Variants in FRMD5 observed in about 807,000 individuals in gnomAD.
FRMD5 encodes the protein FERM domain-containing protein 5.
A neutral mutation model predicts 69.0 loss-of-function variants in FRMD5; 20 were observed. That is an observed-to-expected ratio of 0.29 (90% CI 0.20 to 0.42). The LOEUF (loss-of-function observed/expected upper bound fraction) is 0.42, where lower values mean the gene tolerates loss of function less well. Ranked by LOEUF, FRMD5 falls within the 10% of genes least tolerant of loss-of-function variation. The probability of loss-of-function intolerance (pLI) is 1.00; values close to 1 mark genes in which losing one functional copy is unlikely to be tolerated. For synonymous variants in FRMD5, 271 were observed against 260.1 expected, an observed-to-expected ratio of 1.04 and a Z score of -0.40; for missense variants, 595 against 708.6, an observed-to-expected ratio of 0.84 and a Z score of 1.82.
chr15:44,007,976 C>T lies in FRMD5; in HGVS notation c.103-83667G>A, dbSNP rs139154580. On this transcript the variant is annotated intron_variant, in intron 1 of 13. Coordinates refer to ENST00000417257, the MANE Select transcript of FRMD5 (RefSeq NM_032892.5). The stretch of plus-strand genomic sequence containing the variant: ...TTTTTTAAAGAGATGGGGTCTTGCT[C>T]TGTTGTTGTGGCTAGAGTGCAGTGG... Among the ~76,000 whole-genome samples, 772 of 151,942 alleles carry T rather than the reference C, an allele frequency of 5.1e-3. 3 individuals are homozygous for T. The highest frequency in any genetic ancestry group is 8.6e-3 in the Non-Finnish European group (582 of 67,988).
chr15:43,930,356 C>G (rs2089653611), intron 1 of FRMD5, among the ~76,000 whole-genome samples: 1 of 152,228 alleles, frequency 6.6e-6, no homozygotes, highest in African/African-American at 2.4e-5. Context: ...CAGGTCACCA[C>G]AAATGTGGCA....
chr15:43,949,841 G>T (rs7178452), intron 1 of FRMD5, among the ~76,000 whole-genome samples: 15,158 of 152,044 alleles, frequency 0.1, 1,145 homozygotes, highest in African/African-American at 0.2. Context: ...GATCTCTCAA[G>T]TCGTGCTGCA....
At chr15:44,035,492 T>C (rs1466835672) in intron 1 of FRMD5, among the ~76,000 whole-genome samples, 1 of 152,214 alleles carries the variant, frequency 6.6e-6, no homozygotes, top group Non-Finnish European at 1.5e-5. Context: ...ACTGCTATTT[T>C]GGCATTTGCT....
rs577183079 is a variant in FRMD5 at position 43,935,841 on chromosome 15, T to C, written c.103-11532A>G. 9.2e-5 allele frequency among the ~76,000 whole-genome samples: 14 copies of C among 152,308 alleles called. No individual in the cohort carries two copies. The South Asian group carries it at 2.9e-3, about 32-fold the overall frequency. ...AACATCTGCTGCCAACTGAATATTG[T>C]GTTATTTGAAGGCCAAAAAGTGGAT... On this transcript the variant is annotated intron_variant, in intron 1 of 13. Coordinates refer to ENST00000417257, the MANE Select transcript of FRMD5 (RefSeq NM_032892.5).
At chr15:43,985,510 A>G (rs146399075) in intron 1 of FRMD5, among the ~76,000 whole-genome samples, 9 of 152,230 alleles carry the variant, frequency 5.9e-5, no homozygotes, top group African/African-American at 2.2e-4. Context: ...CATGGTTTAT[A>G]TTATAAATCA....
At chr15:44,044,550 A>G (rs1020144442) in intron 1 of FRMD5, among the ~76,000 whole-genome samples, 5 of 152,176 alleles carry the variant, frequency 3.3e-5, no homozygotes, top group African/African-American at 1.2e-4. Context: ...TAAACAATAT[A>G]TGGCATATAT....
chr15:43,908,056 A>G (rs186611962), intron 5 of FRMD5, among the ~76,000 whole-genome samples: 4 of 152,368 alleles, frequency 2.6e-5, no homozygotes, highest in Admixed American at 2.6e-4. Flanking sequence ...AGAAAAGACT[A>G]GAGTTTAAGA....
At chr15:43,946,116 T>C (rs1348523656) in intron 1 of FRMD5, among the ~76,000 whole-genome samples, 2 of 152,070 alleles carry the variant, frequency 1.3e-5, no homozygotes, top group African/African-American at 2.4e-5. Context: ...TCTCTCCTCC[T>C]CTTGGCTTCC....
intron 1 of FRMD5, among the ~76,000 whole-genome samples, chr15:44,086,487 G>A (rs1412196652): frequency 2.0e-5 from 3 of 152,214 alleles, no homozygotes; most frequent in South Asian, 2.1e-4. Context: ...TTCTATTTAT[G>A]TAAAGTATCC....
chr15:44,190,481 T>C (rs947474569), intron 1 of FRMD5, among the ~76,000 whole-genome samples: 2 of 147,516 alleles, frequency 1.4e-5, no homozygotes, highest in African/African-American at 5.4e-5. Context: ...CCTCTAAACT[T>C]GCAGAGATGG....
chr15:43,993,465 T>C (rs757501161), intron 1 of FRMD5, among the ~76,000 whole-genome samples: 2 of 152,222 alleles, frequency 1.3e-5, no homozygotes, highest in Non-Finnish European at 2.9e-5. Flanking sequence ...AGTGCTGGAA[T>C]TACAGGCGTG....
At chr15:44,039,251 C>A (rs1285311839) in intron 1 of FRMD5, among the ~76,000 whole-genome samples, 5 of 152,232 alleles carry the variant, frequency 3.3e-5, no homozygotes, top group African/African-American at 1.2e-4. Flanking sequence ...GCAGCTTCAG[C>A]AGACTTAAAT....
chr15:44,188,734 G>C (rs543827646), intron 1 of FRMD5, among the ~76,000 whole-genome samples: 1 of 152,128 alleles, frequency 6.6e-6, no homozygotes, highest in South Asian at 2.1e-4. Flanking sequence ...TTGTGACATA[G>C]TAAAATGACT....
rs540224640 is a variant in FRMD5 at position 44,013,238 on chromosome 15, A to G, written c.103-88929T>C. ...ATCCTATCTTTACAAAAACATTTTG[A>G]AAAAATTAGCTGGGCGTGGTGGCAT... On this transcript the variant is annotated intron_variant, in intron 1 of 13. Transcript: ENST00000417257. Among the ~76,000 whole-genome samples the G allele has an allele frequency of 3.9e-5, 6 of 152,302 alleles. No homozygotes were observed. The South Asian group carries it at 1.2e-3, about 32-fold the overall frequency.
intron 1 of FRMD5, among the ~76,000 whole-genome samples, chr15:43,981,496 G>C (rs1206612044): frequency 6.6e-6 from 1 of 152,182 alleles, no homozygotes; most frequent in East Asian, 1.9e-4. Flanking sequence ...AGAGGAGGTG[G>C]AAGGAGAGGC....
chr15:43,910,527 T>C (rs1260228604), intron 4 of FRMD5, among the ~76,000 whole-genome samples: 1 of 145,492 alleles, frequency 6.9e-6, no homozygotes, highest in African/African-American at 2.7e-5. Flanking sequence ...TGAGCCGAGA[T>C]TGTGCTACTG....
At chr15:44,030,580 C>A (rs1891635864) in intron 1 of FRMD5, among the ~76,000 whole-genome samples, 2 of 152,122 alleles carry the variant, frequency 1.3e-5, no homozygotes, top group Admixed American at 1.3e-4. Context: ...AAACAAAACC[C>A]TATGCTAGGA....
chr15:44,195,216 C>T lies in FRMD5; in HGVS notation c.-162G>A, dbSNP rs969785346. The T allele has an allele frequency of 1.8e-5, 10 of 557,296 alleles. No homozygotes were observed. The highest frequency in any genetic ancestry group is 1.6e-4 in the African/African-American group (8 of 49,402). The allele number at this position is 557,296 out of a possible 1,614,324, so 34.5% of individuals were successfully genotyped here. A position where few individuals can be genotyped will look rare whatever the true frequency, so the allele number is the denominator to read the frequency against. On this transcript the variant is annotated 5_prime_UTR_variant, in exon 1 of 14. Transcript: ENST00000417257. Reference sequence around the variant, plus strand: ...TGGCCTCGTTCCTCCTCCTTATCCTCCTCCTTCCCTCAGCCGCCACCGCCT... The same window carrying T: ...TGGCCTCGTTCCTCCTCCTTATCCTTCTCCTTCCCTCAGCCGCCACCGCCT...
intron 1 of FRMD5, among the ~76,000 whole-genome samples, chr15:43,974,128 G>T (rs1336707345): frequency 1.3e-5 from 2 of 151,958 alleles, no homozygotes; most frequent in Non-Finnish European, 2.9e-5. Context: ...GGAACAGTTG[G>T]AATCAGCAGT....
Sources: gnomAD v4.1 joint callset for allele counts (sites outside exome capture counted in the v4.1 genomes callset) on GRCh38, gnomAD v4.1.1 for gene constraint, MANE v1.5 for transcripts, NCBI Gene and HGNC (gene_info 2026-07-23, HGNC 2026-07-21) for gene names.